METAP2: variants seen among roughly 807,000 people sequenced by gnomAD.
METAP2 encodes the protein methionine aminopeptidase 2.
METAP2 carries 25 observed loss-of-function variants against 59.4 expected under a neutral mutation model. That is an observed-to-expected ratio of 0.42 (90% CI 0.31 to 0.59). METAP2 has a LOEUF of 0.59. Ranked by LOEUF, METAP2 falls within the 20% of genes least tolerant of loss-of-function variation. METAP2 has a pLI of 0.16. For synonymous variants in METAP2, 214 were observed against 194.1 expected (o/e 1.10, Z -0.85); for missense variants, 366 against 581.2 (o/e 0.63, Z 3.81).
At chr12:95,509,746 T>C (rs945282423) in intron 8 of METAP2, among the ~76,000 whole-genome samples, 2 of 152,174 alleles carry the variant, frequency 1.3e-5, no homozygotes, top group Non-Finnish European at 2.9e-5. Flanking sequence ...ACATACTTGT[T>C]CATTGCTTCA....
In METAP2 at chr12:95,508,262, A is replaced by T. The variant is rs117660576; in HGVS notation, c.965-3633A>T. Among the ~76,000 whole-genome samples the T allele has an allele frequency of 5.2e-3, 791 of 152,300 alleles. 4 individuals are homozygous for T. Among genetic ancestry groups the T allele is most frequent in the South Asian group, 0.013 (63 of 4,826 alleles). On this transcript the variant is annotated intron_variant, in intron 8 of 10. Transcript: ENST00000323666. Reference sequence around the variant, plus strand: ...ATTTTTAAAGGCTAGAATTTAGAAGATCTCATTTCCAGTGTGCTTTTCTTT... The same window carrying T: ...ATTTTTAAAGGCTAGAATTTAGAAGTTCTCATTTCCAGTGTGCTTTTCTTT...
chr12:95,484,759 T>G, intron 3 of METAP2: 1 of 420,334 alleles, frequency 2.4e-6, no homozygotes, highest in South Asian at 1.8e-5. Flanking sequence ...TTTTTCTGAG[T>G]ATCAGTCTGT....
chr12:95,500,470 C>T (rs1223200479), intron 7 of METAP2, among the ~76,000 whole-genome samples: 1 of 152,132 alleles, frequency 6.6e-6, no homozygotes, highest in Non-Finnish European at 1.5e-5. Context: ...TGTTTGTGAT[C>T]TTAGAGGAAA....
At chr12:95,490,140 C>T (rs2076226588) in intron 4 of METAP2, among the ~76,000 whole-genome samples, 1 of 148,912 alleles carries the variant, frequency 6.7e-6, no homozygotes, top group South Asian at 2.1e-4. Flanking sequence ...CTCACTCTGT[C>T]AGCCAGGCTG....
rs201465678 is a variant in METAP2, at chr12:95,486,435, AT to A, written c.428+455del. On this transcript the variant is annotated intron_variant, in intron 4 of 10. Transcript: ENST00000323666. ...CTTAATTTGACAGAAGTATTTTTTG[AT>A]CACTTATCCTTAGTGAGATTTATCA... Among the ~76,000 whole-genome samples, 36 of 150,994 alleles carry A rather than the reference AT, an allele frequency of 2.4e-4. 1 individual carries two copies. The East Asian group carries it at 6.2e-3, about 26-fold the overall frequency.
intron 4 of METAP2, 33 bp from the exon 5 acceptor site, chr12:95,494,023 T>C (rs767176764): frequency 1.9e-6 from 3 of 1,588,702 alleles, no homozygotes; most frequent in Non-Finnish European, 1.7e-6. Context: ...TCTGCTGTTT[T>C]ATCACTAATA....
At chr12:95,500,163 T>A (rs184666481) in intron 7 of METAP2, among the ~76,000 whole-genome samples, 142 of 152,238 alleles carry the variant, frequency 9.3e-4, no homozygotes, top group Admixed American at 5.9e-3. Flanking sequence ...TTTTTTTTTT[T>A]AGTTATTGTT....
chr12:95,486,292 ATG>A (rs2076196157), intron 4 of METAP2, among the ~76,000 whole-genome samples: 2 of 76,894 alleles, frequency 2.6e-5, no homozygotes, highest in African/African-American at 6.2e-5. Context: ...CCCCCCTCAT[ATG>A]TATTCATAAT....
intron 8 of METAP2, among the ~76,000 whole-genome samples, chr12:95,506,260 T>G (rs76012971): frequency 0.057 from 8,608 of 151,576 alleles, 340 homozygotes; most frequent in Non-Finnish European, 0.086. Flanking sequence ...TTTTGTATTT[T>G]TTAAAAAATA....
At chr12:95,485,260 A>T (rs1407422508) in intron 3 of METAP2, among the ~76,000 whole-genome samples, 1 of 152,130 alleles carries the variant, frequency 6.6e-6, no homozygotes, top group Non-Finnish European at 1.5e-5. Context: ...TTCAACTTTG[A>T]TATTCTGATT....
chr12:95,486,361 A>G (rs562271798), intron 4 of METAP2, among the ~76,000 whole-genome samples: 14 of 152,168 alleles, frequency 9.2e-5, no homozygotes, highest in Admixed American at 6.5e-5. Context: ...GATGTCTACT[A>G]TATCTTTACT....
intron 8 of METAP2, among the ~76,000 whole-genome samples, chr12:95,511,201 C>A (rs1429736863): frequency 2.0e-5 from 3 of 151,982 alleles, no homozygotes; most frequent in Non-Finnish European, 4.4e-5. Context: ...ATAATACTGT[C>A]ATATTAACAG....
chr12:95,507,426 CTT>C (rs2076369630), intron 8 of METAP2, among the ~76,000 whole-genome samples: 1 of 152,272 alleles, frequency 6.6e-6, no homozygotes, highest in Non-Finnish European at 1.5e-5. Flanking sequence ...GCCTAACACT[CTT>C]TAACATTTTT....
intron 4 of METAP2, among the ~76,000 whole-genome samples, chr12:95,493,298 A>G (rs2076253117): frequency 6.6e-6 from 1 of 152,220 alleles, no homozygotes; most frequent in African/African-American, 2.4e-5. Context: ...CAACATAGCA[A>G]GACCCCATTT....
At chr12:95,486,331 T>C (rs2076196476) in intron 4 of METAP2, among the ~76,000 whole-genome samples, 1 of 152,190 alleles carries the variant, frequency 6.6e-6, no homozygotes, top group Non-Finnish European at 1.5e-5. Flanking sequence ...CATTTGGGAT[T>C]TCTGAGTGAT....
chr12:95,511,671 CATG>C (rs1472517252), intron 8 of METAP2, among the ~76,000 whole-genome samples: 1 of 152,138 alleles, frequency 6.6e-6, no homozygotes, highest in Non-Finnish European at 1.5e-5. Context: ...GGATTACAGG[CATG>C]AGCCACTGCA....
At chr12:95,486,717 G>A (rs1480646990) in intron 4 of METAP2, among the ~76,000 whole-genome samples, 1 of 152,056 alleles carries the variant, frequency 6.6e-6, no homozygotes, top group Non-Finnish European at 1.5e-5. Context: ...GGCTGGTCTT[G>A]AACTCCCAAC....
chr12:95,486,388 CT>C (rs1475508822), intron 4 of METAP2, among the ~76,000 whole-genome samples: 1 of 151,678 alleles, frequency 6.6e-6, no homozygotes, highest in African/African-American at 2.4e-5. Flanking sequence ...TTCCTGAAAC[CT>C]TTTGATAGTT....
chr12:95,509,221 A>C (rs1227019380), intron 8 of METAP2, among the ~76,000 whole-genome samples: 1 of 152,228 alleles, frequency 6.6e-6, no homozygotes, highest in Non-Finnish European at 1.5e-5. Flanking sequence ...CTTTAAAAAA[A>C]TTGATTGGCT....
Sources: allele counts gnomAD v4.1 joint callset (sites outside exome capture counted in the v4.1 genomes callset), GRCh38; gene constraint gnomAD v4.1.1; transcripts MANE v1.5; gene names NCBI Gene and HGNC (gene_info 2026-07-23, HGNC 2026-07-21).